GDI2: variants seen among roughly 807,000 people sequenced by gnomAD.
GDI2 encodes the protein rab GDP dissociation inhibitor beta.
In GDI2, 22 loss-of-function variants were observed where a neutral mutation model predicts 54.2. The ratio of observed to expected loss-of-function variants is 0.41; its 90% CI spans 0.29 to 0.58. The LOEUF is 0.58. Ranked by LOEUF, GDI2 falls within the 20% of genes least tolerant of loss-of-function variation. GDI2 has a pLI of 0.35. For missense variants in GDI2, 422 were observed against 546.0 expected (o/e 0.77, Z 2.26); for synonymous variants, 177 against 182.1 (o/e 0.97, Z 0.23).
chr10:5,779,714 G>C (rs1051313735), intron 6 of GDI2, among the ~76,000 whole-genome samples: 84 of 147,430 alleles, frequency 5.7e-4, no homozygotes, highest in Admixed American at 1.9e-3. Flanking sequence ...TTTTGTAAGA[G>C]ACAGGGTCCT....
In GDI2 at chr10:5,774,965, T is replaced by C. The variant is rs1036877110; in HGVS notation, c.720-1024A>G. Among the ~76,000 whole-genome samples, 2 of 152,194 alleles carry C rather than the reference T, an allele frequency of 1.3e-5. No individual in the cohort carries two copies. The highest frequency in any genetic ancestry group is 2.9e-5 in the Non-Finnish European group (2 of 68,042). On this transcript the variant is annotated intron_variant, in intron 6 of 10. Transcript: ENST00000380191. The surrounding 1 kb of genome is among the most constrained non-coding windows in gnomAD (Gnocchi z 4.8). ...TAATAGCTATATTAGTCTAATCCTCTGGCATATAAATAAAACTATGGACTT... is the reference window on the plus strand; with the variant it reads ...TAATAGCTATATTAGTCTAATCCTCCGGCATATAAATAAAACTATGGACTT...
chr10:5,777,906 C>T (rs1840662195), intron 6 of GDI2, among the ~76,000 whole-genome samples: 1 of 152,012 alleles, frequency 6.6e-6, no homozygotes, highest in South Asian at 2.1e-4. Context: ...CAATGGTAGA[C>T]GGGATAAAGA....
intron 1 of GDI2, among the ~76,000 whole-genome samples, chr10:5,804,294 G>A (rs1430730426): frequency 6.6e-6 from 1 of 152,038 alleles, no homozygotes; most frequent in Non-Finnish European, 1.5e-5. Context: ...GGGTTTCACC[G>A]TGTTGGCCAG....
chr10:5,774,315 G>A lies in GDI2; in HGVS notation c.720-374C>T, dbSNP rs974791194. Among the ~76,000 whole-genome samples the A allele has an allele frequency of 3.3e-5, 5 of 152,044 alleles. No homozygotes were observed. Among genetic ancestry groups the A allele is most frequent in the Admixed American group, 2.0e-4 (3 of 15,260 alleles). On this transcript the variant is annotated intron_variant, in intron 6 of 10. Transcript: ENST00000380191. This position sits in a 1 kb window ranked among gnomAD's most constrained non-coding sequence, Gnocchi z 4.8. ...ATGCCCCTTGGTCATTCTTTCTTCT[G>A]AGGAGAAAAGAACTGAGGTTGCTGC...
Position 5,806,483 on chromosome 10 carries a change from A to T in GDI2, c.46-5778T>A, listed in dbSNP as rs1008994593. 4.6e-5 allele frequency among the ~76,000 whole-genome samples: 7 copies of T among 151,708 alleles called. No homozygotes were observed. The East Asian group carries it at 9.6e-4, about 21-fold the overall frequency. ...CACTTATGATAAGTGCCTATTCAAA[A>T]TTTTTCCCCATTTTTTAAATGGGCT... On this transcript the variant is annotated intron_variant, in intron 1 of 10. Transcript: ENST00000380191.
chr10:5,776,744 G>A lies in GDI2; in HGVS notation c.720-2803C>T. Reference sequence around the variant, plus strand: ...CTCTTTAACCTGGCAGAAGTTTGCAGCAAATACCAGGAAAGCCAAGGACAT... The same window carrying A: ...CTCTTTAACCTGGCAGAAGTTTGCAACAAATACCAGGAAAGCCAAGGACAT... On this transcript the variant is annotated intron_variant, in intron 6 of 10. Coordinates refer to ENST00000380191, the MANE Select transcript of GDI2 (RefSeq NM_001494.4). This position sits in a 1 kb window ranked among gnomAD's most constrained non-coding sequence, Gnocchi z 5.3. 1.3e-6 allele frequency: 2 copies of A among 1,519,736 alleles called. No individual in the cohort carries two copies. Among genetic ancestry groups the A allele is most frequent in the Non-Finnish European group, 1.8e-6 (2 of 1,098,554 alleles). The allele number at this position is 1,519,736 out of a possible 1,614,324, so 94.1% of individuals were successfully genotyped here.
At position 5,766,711 on chromosome 10, in the gene GDI2, A is replaced by G. The variant is rs1461840364; in HGVS notation, c.992-73T>C. The G allele has an allele frequency of 1.7e-5, 20 of 1,210,344 alleles. No homozygotes were observed. Among genetic ancestry groups the G allele is most frequent in the Non-Finnish European group, 2.3e-5 (19 of 821,864 alleles). The allele number at this position is 1,210,344 out of a possible 1,614,324, so 75.0% of individuals were successfully genotyped here. On this transcript the variant is annotated intron_variant, in intron 8 of 10. Coordinates refer to ENST00000380191, the MANE Select transcript of GDI2 (RefSeq NM_001494.4). This position sits in a 1 kb window ranked among gnomAD's most constrained non-coding sequence, Gnocchi z 5.8. ...GACCCAACATACTCAGGTATCACCC[A>G]TATGTCATGAGGTGTGAGTTAAAAT...
chr10:5,806,571 T>C (rs916262063), intron 1 of GDI2, among the ~76,000 whole-genome samples: 1 of 152,164 alleles, frequency 6.6e-6, no homozygotes, highest in South Asian at 2.1e-4. Flanking sequence ...TAGTTACATG[T>C]ACTGCAATTA....
intron 2 of GDI2, among the ~76,000 whole-genome samples, chr10:5,797,634 GAATCT>G (rs1841178840): frequency 1.2e-3 from 2 of 1,696 alleles, no homozygotes; most frequent in Non-Finnish European, 6.0e-3. Flanking sequence ...AGAATCACAT[GAATCT>G]GGGAGGTGGA....
chr10:5,806,184 C>T (rs1841376776), intron 1 of GDI2, among the ~76,000 whole-genome samples: 1 of 152,222 alleles, frequency 6.6e-6, no homozygotes, highest in Non-Finnish European at 1.5e-5. Context: ...TGACCACTTA[C>T]ACTGTTGCCT....
Position 5,802,527 on chromosome 10 carries a change from A to G in GDI2, c.46-1822T>C, listed in dbSNP as rs552194217. ...GGCAGGAGAATCGCTTGAACCAGGG[A>G]GTTGGAGGCTGCAGTGAGCCGAGAT... On this transcript the variant is annotated intron_variant, in intron 1 of 10. Transcript: ENST00000380191. 7.4e-4 allele frequency among the ~76,000 whole-genome samples: 112 copies of G among 151,906 alleles called. 1 individual carries two copies. The highest frequency in any genetic ancestry group is 1.1e-3 in the Non-Finnish European group (77 of 67,974).
At chr10:5,809,572 A>G (rs930899157) in intron 1 of GDI2, among the ~76,000 whole-genome samples, 39 of 152,310 alleles carry the variant, frequency 2.6e-4, no homozygotes, top group African/African-American at 7.0e-4. Flanking sequence ...CTGAACTCAT[A>G]TAAGTGCACC....
rs977541664 is a variant in GDI2 at position 5,776,248 on chromosome 10, C to T, written c.720-2307G>A. On this transcript the variant is annotated intron_variant, in intron 6 of 10. Transcript: ENST00000380191. This position sits in a 1 kb window ranked among gnomAD's most constrained non-coding sequence, Gnocchi z 5.3. ...AAAGGAATAGGAAACAGCGCCTCCT[C>T]ATCCAAGACAGGTGGAAAAGGGCCC... 4 of 476,374 alleles carry T rather than the reference C, an allele frequency of 8.4e-6. No homozygotes were observed. Among genetic ancestry groups the T allele is most frequent in the Non-Finnish European group, 1.2e-5 (3 of 251,252 alleles). 29.5% of individuals were successfully genotyped at this position (476,374 alleles called of 1,614,324 possible).
chr10:5,767,947 T>C (rs1277925591), intron 8 of GDI2, among the ~76,000 whole-genome samples: 2 of 152,176 alleles, frequency 1.3e-5, no homozygotes, highest in Non-Finnish European at 2.9e-5. Flanking sequence ...TACTGTTAGT[T>C]AGAGCTGGGA....
At chr10:5,771,886 C>T (rs1441040003) in intron 7 of GDI2, among the ~76,000 whole-genome samples, 11 of 152,150 alleles carry the variant, frequency 7.2e-5, no homozygotes, top group African/African-American at 9.6e-5. Flanking sequence ...GGTCAAGAAA[C>T]CAAGACCAGC....
chr10:5,783,981 G>A (rs1435068894), intron 6 of GDI2, among the ~76,000 whole-genome samples: 1 of 152,156 alleles, frequency 6.6e-6, no homozygotes. Context: ...TGGATGTCTA[G>A]ATCTCTAGCA....
At position 5,776,927 on chromosome 10, in the gene GDI2, A is replaced by G. The variant is rs1274997229; in HGVS notation, c.720-2986T>C. 7 of 665,534 alleles carry G rather than the reference A, an allele frequency of 1.1e-5. No individual in the cohort carries two copies. Among genetic ancestry groups the G allele is most frequent in the Admixed American group, 3.1e-5 (1 of 31,864 alleles). 41.2% of individuals were successfully genotyped at this position (665,534 alleles called of 1,614,324 possible). On this transcript the variant is annotated intron_variant, in intron 6 of 10. Transcript: ENST00000380191. This position sits in a 1 kb window ranked among gnomAD's most constrained non-coding sequence, Gnocchi z 5.3. ...CGAAAACAGTTAATCCAGCAAAAAA[A>G]TTAAAAGGGAAAACCACATAGAAGG...
At chr10:5,771,387 C>T (rs1415647605) in intron 7 of GDI2, among the ~76,000 whole-genome samples, 1 of 152,166 alleles carries the variant, frequency 6.6e-6, no homozygotes, top group Non-Finnish European at 1.5e-5. Context: ...AATGCAAGGA[C>T]ATTTTTGCTT....
intron 1 of GDI2, among the ~76,000 whole-genome samples, chr10:5,807,867 T>C (rs563736707): frequency 6.6e-6 from 1 of 152,202 alleles, no homozygotes; most frequent in African/African-American, 2.4e-5. Flanking sequence ...AGAGGCTGAA[T>C]GAAATTTCTA....
Sources: gnomAD v4.1 joint callset for allele counts (sites outside exome capture counted in the v4.1 genomes callset) on GRCh38, gnomAD v4.1.1 for gene constraint, Gnocchi (gnomAD v3.1) non-coding constraint, MANE v1.5 for transcripts, NCBI Gene and HGNC (gene_info 2026-07-23, HGNC 2026-07-21) for gene names.